SEMA5A: variants seen among roughly 807,000 people sequenced by gnomAD.
SEMA5A encodes the protein semaphorin 5A.
SEMA5A carries 55 observed loss-of-function variants against 135.5 expected under a neutral mutation model. That is an observed-to-expected ratio of 0.41 (90% CI 0.33 to 0.51). SEMA5A has a LOEUF of 0.51. Among genes scored for constraint, SEMA5A ranks in the 20% least tolerant of loss-of-function variants. SEMA5A has a pLI of 0.37. For missense variants in SEMA5A, 1,290 were observed against 1,419.9 expected, an observed-to-expected ratio of 0.91 and a Z score of 1.47; for synonymous variants, 580 against 546.5, an observed-to-expected ratio of 1.06 and a Z score of -0.85.
intron 1 of SEMA5A, among the ~76,000 whole-genome samples, chr5:9,542,076 TCTC>T (rs1029386192): frequency 2.9e-4 from 44 of 152,350 alleles, no homozygotes; most frequent in African/African-American, 8.9e-4. Flanking sequence ...TTTCTTCTTT[TCTC>T]CCTATCAGAA....
intron 5 of SEMA5A, among the ~76,000 whole-genome samples, chr5:9,267,479 T>C (rs928047299): frequency 6.6e-6 from 1 of 152,174 alleles, no homozygotes; most frequent in Non-Finnish European, 1.5e-5. Context: ...TCTGGGTCTA[T>C]GCCTTAATGA....
rs1426482187 is a variant in SEMA5A, at chr5:9,036,470, T to C, written c.*6427A>G. On this transcript the variant is annotated 3_prime_UTR_variant, in exon 23 of 23. Coordinates refer to ENST00000382496, the MANE Select transcript of SEMA5A (RefSeq NM_003966.3). ...TCTGATTTTCCTCTATCTATGGACT[T>C]GCCTGAAGAGAAACAGAAACAAAAA... 6.6e-6 allele frequency: 1 copy of C among 152,190 alleles called. No homozygotes were observed. Among genetic ancestry groups the C allele is most frequent in the Non-Finnish European group, 1.5e-5 (1 of 68,024 alleles). The allele number at this position is 152,190 out of a possible 1,614,324, so 9.4% of individuals were successfully genotyped here.
At chr5:9,388,854 T>G (rs566251653) in intron 2 of SEMA5A, among the ~76,000 whole-genome samples, 3 of 149,432 alleles carry the variant, frequency 2.0e-5, no homozygotes, top group East Asian at 3.9e-4. Flanking sequence ...AGCTGAGATC[T>G]CGCCACTGCA....
In SEMA5A at chr5:9,052,026, T is replaced by A. The variant is rs1420026848; in HGVS notation, c.2692A>T (p.Ser898Cys). Reference protein sequence around the residue: ...ALCNTQPCPESWSEWSDWSEC... With the variant: ...ALCNTQPCPECWSEWSDWSEC... ...GACCAGTCCGACCACTCCGACCAGCTCTCTGCAGAGACCAGAAAAGGGGAG... is the reference window on the plus strand; with the variant it reads ...GACCAGTCCGACCACTCCGACCAGCACTCTGCAGAGACCAGAAAAGGGGAG... Residue 898 changes from serine (S) to cysteine (C), a missense_variant and splice_region_variant, in exon 20 of 23, where the codon AGC becomes TGC. Around this residue, in one of 3 missense-constraint regions of SEMA5A, gnomAD observed 1,029 missense variants for 1,086.6 expected, o/e 0.95. Transcript: ENST00000382496. 4 of 1,597,632 alleles carry A rather than the reference T, an allele frequency of 2.5e-6. No individual in the cohort carries two copies. Among genetic ancestry groups the A allele is most frequent in the Non-Finnish European group, 3.4e-6 (4 of 1,170,858 alleles).
intron 3 of SEMA5A, among the ~76,000 whole-genome samples, chr5:9,346,920 A>G (rs1474306170): frequency 1.9e-4 from 29 of 150,758 alleles, no homozygotes; most frequent in African/African-American, 6.9e-4. Context: ...GTGTGTATAT[A>G]TATATATATG....
chr5:9,282,863 G>A (rs541269277), intron 5 of SEMA5A, among the ~76,000 whole-genome samples: 26 of 152,212 alleles, frequency 1.7e-4, no homozygotes, highest in Admixed American at 3.3e-4. Flanking sequence ...TGGCAAGGGG[G>A]AAAGTTTAGA....
chr5:9,311,460 G>A (rs888331427), intron 5 of SEMA5A, among the ~76,000 whole-genome samples: 12 of 151,854 alleles, frequency 7.9e-5, no homozygotes, highest in Non-Finnish European at 1.5e-4. Flanking sequence ...GGATGAAATT[G>A]GAAATCATCA....
intron 9 of SEMA5A, among the ~76,000 whole-genome samples, chr5:9,198,639 G>A (rs1455724902): frequency 1.3e-5 from 2 of 152,206 alleles, no homozygotes; most frequent in African/African-American, 4.8e-5. Flanking sequence ...GATGCATACA[G>A]GGCCTGGCGC....
chr5:9,138,367 T>A (rs547970124), intron 12 of SEMA5A, among the ~76,000 whole-genome samples: 5 of 151,546 alleles, frequency 3.3e-5, no homozygotes, highest in African/African-American at 4.9e-5. Flanking sequence ...ATATATATAT[T>A]TTGTTATTGT....
intron 1 of SEMA5A, among the ~76,000 whole-genome samples, chr5:9,453,638 A>G (rs986480943): frequency 4.6e-5 from 7 of 152,222 alleles, no homozygotes; most frequent in African/African-American, 1.7e-4. Context: ...ATGCACTTGA[A>G]ACAAGGTTAT....
chr5:9,143,062 A>G (rs1481335392), intron 12 of SEMA5A, among the ~76,000 whole-genome samples: 1 of 152,224 alleles, frequency 6.6e-6, no homozygotes, highest in Non-Finnish European at 1.5e-5. Context: ...TGGTAAATCC[A>G]ACTAGAACAT....
intron 1 of SEMA5A, among the ~76,000 whole-genome samples, chr5:9,521,874 G>C (rs368762436): frequency 1.3e-5 from 2 of 152,144 alleles, no homozygotes; most frequent in African/African-American, 4.8e-5. Context: ...ACCTTACAGG[G>C]AGGAGGGGCA....
chr5:9,247,654 T>C (rs1043088248), intron 5 of SEMA5A, among the ~76,000 whole-genome samples: 1 of 152,188 alleles, frequency 6.6e-6, no homozygotes, highest in African/African-American at 2.4e-5. Context: ...AAAGATTGAC[T>C]TTACTTCCAG....
intron 1 of SEMA5A, among the ~76,000 whole-genome samples, chr5:9,506,266 C>A (rs934777324): frequency 6.6e-6 from 1 of 152,108 alleles, no homozygotes; most frequent in Admixed American, 6.6e-5. Flanking sequence ...GCTAAAGTTG[C>A]CCGATTTCTT....
At chr5:9,149,730 A>G (rs958198943) in intron 12 of SEMA5A, among the ~76,000 whole-genome samples, 15 of 152,208 alleles carry the variant, frequency 9.9e-5, no homozygotes, top group African/African-American at 3.6e-4. Context: ...TTAGCCTTGA[A>G]GAGGTACAAT....
intron 1 of SEMA5A, among the ~76,000 whole-genome samples, chr5:9,531,932 T>C (rs1164540503): frequency 1.3e-5 from 2 of 152,152 alleles, no homozygotes; most frequent in Non-Finnish European, 2.9e-5. Context: ...TCTAAGAAGA[T>C]AATAGATGAC....
intron 3 of SEMA5A, among the ~76,000 whole-genome samples, chr5:9,353,164 G>GGAAAGGAAAGGAAAGGAAAGGAAA (rs1754244880): frequency 3.4e-5 from 1 of 29,344 alleles, no homozygotes; most frequent in Non-Finnish European, 5.6e-5. Flanking sequence ...AAGGAAAGGA[G>GGAAAGGAAAGGAAAGGAAAGGAAA]GGAAAGGAAG....
At chr5:9,238,299 A>C (rs1232148297) in intron 5 of SEMA5A, among the ~76,000 whole-genome samples, 1 of 152,210 alleles carries the variant, frequency 6.6e-6, no homozygotes, top group Non-Finnish European at 1.5e-5. Flanking sequence ...TTTTTATTTT[A>C]TTCAAATAAT....
intron 5 of SEMA5A, among the ~76,000 whole-genome samples, chr5:9,282,415 A>AGAG (rs1750589676): frequency 6.6e-6 from 1 of 152,162 alleles, no homozygotes; most frequent in East Asian, 1.9e-4. Flanking sequence ...ATGAAAGAGA[A>AGAG]GAGGATGTGG....
Sources: gnomAD v4.1 joint callset for allele counts (sites outside exome capture counted in the v4.1 genomes callset) on GRCh38, gnomAD v4.1.1 for gene constraint, gnomAD v4.1.1 regional missense constraint, MANE v1.5 for transcripts, NCBI Gene and HGNC (gene_info 2026-07-23, HGNC 2026-07-21) for gene names.